SCARA3: variants seen among roughly 807,000 people sequenced by gnomAD.
SCARA3 encodes the protein scavenger receptor class A member 3, also known as cellular stress response gene protein.
SCARA3 carries 39 observed loss-of-function variants against 47.0 expected under a neutral mutation model. The ratio of observed to expected loss-of-function variants is 0.83; its 90% CI spans 0.64 to 1.08. The LOEUF (loss-of-function observed/expected upper bound fraction) is 1.08, where lower values mean the gene tolerates loss of function less well. Ranked by LOEUF, SCARA3 falls within the 50% of genes least tolerant of loss-of-function variation. SCARA3 has a pLI of 0.00. For synonymous variants in SCARA3, 356 were observed against 334.1 expected (o/e 1.07, Z -0.71); for missense variants, 724 against 792.3 (o/e 0.91, Z 1.04).
rs1802201112 is a variant in SCARA3, at chr8:27,672,875, CA to C, written c.*1527del. ...ACCCAGAGAGCAGCCCTTCCCTGCT[CA>C]AAGCCTTTCCGCACCCTCCTGACTG... is the stretch of plus-strand genomic sequence containing the variant. On this transcript the variant is annotated 3_prime_UTR_variant, in exon 6 of 6. Transcript: ENST00000301904. 1.0e-6 allele frequency: 1 copy of C among 985,598 alleles called. No homozygotes were observed. 61.1% of individuals were successfully genotyped at this position (985,598 alleles called of 1,614,324 possible).
At chr8:27,710,055 C>T in the SCARA3 span, among the ~76,000 whole-genome samples, 2 of 152,114 alleles carry the variant, frequency 1.3e-5, no homozygotes, top group Non-Finnish European at 2.9e-5. Context: ...ATGCTGAAAC[C>T]GCGTCTCTAC....
In SCARA3 at chr8:27,672,606, G is replaced by C; in HGVS notation, c.*1255G>C. ...CGAGCCCTCTTTGCATGGGCAGCCA[G>C]CTGGACTAGGAGTGGGAAGGGCCTG... On this transcript the variant is annotated 3_prime_UTR_variant, in exon 6 of 6. Coordinates refer to ENST00000301904, the MANE Select transcript of SCARA3 (RefSeq NM_016240.3). The C allele has an allele frequency of 1.0e-6, 1 of 985,594 alleles. No individual in the cohort carries two copies. The highest frequency in any genetic ancestry group is 1.2e-6 in the Non-Finnish European group (1 of 830,078). 61.1% of individuals were successfully genotyped at this position (985,594 alleles called of 1,614,324 possible). A position where few individuals can be genotyped will look rare whatever the true frequency, so the allele number is the denominator to read the frequency against.
At chr8:27,657,213 C>A (rs549700745) in intron 4 of SCARA3, among the ~76,000 whole-genome samples, 1 of 152,270 alleles carries the variant, frequency 6.6e-6, no homozygotes, top group East Asian at 1.9e-4. Flanking sequence ...TGCAAAACCT[C>A]CTGCCAGGTC....
intron 1 of SCARA3, among the ~76,000 whole-genome samples, chr8:27,647,549 C>T (rs910776210): frequency 2.0e-5 from 3 of 152,126 alleles, no homozygotes; most frequent in South Asian, 2.1e-4. Context: ...CTCTCTGTGC[C>T]GGCCACTGTG....
intron 1 of SCARA3, among the ~76,000 whole-genome samples, chr8:27,648,420 T>C (rs546556391): frequency 4.6e-5 from 7 of 152,236 alleles, no homozygotes; most frequent in Non-Finnish European, 7.4e-5. Flanking sequence ...CTGGCTAACA[T>C]GGTGAAACCT....
intron 1 of SCARA3, among the ~76,000 whole-genome samples, chr8:27,634,955 T>A (rs2128913305): frequency 6.6e-6 from 1 of 152,336 alleles, no homozygotes; most frequent in African/African-American, 2.4e-5. Context: ...AGAAGCAGGC[T>A]TTGGAGTTAT....
chr8:27,659,506 G>T lies in SCARA3; in HGVS notation c.1336G>T (p.Gly446Ter). Residue 446 changes from glycine to a stop codon, truncating the protein, a stop_gained, in exon 5 of 6, where the codon GGA (glycine) becomes TGA (stop). Coordinates refer to ENST00000301904, the MANE Select transcript of SCARA3 (RefSeq NM_016240.3). LOFTEE classifies it low-confidence loss of function (END_TRUNC). ...GATGAAGGCAGTGGACACACAGCAT[G>T]GAGAAATCCTTCGCAATGTCACCAT... Reference protein sequence around the residue: ...EEMKAVDTQHGEILRNVTILR... With the variant: ...EEMKAVDTQH 1.2e-6 allele frequency: 2 copies of T among 1,612,570 alleles called. No individual in the cohort carries two copies. Among genetic ancestry groups the T allele is most frequent in the Non-Finnish European group, 1.7e-6 (2 of 1,179,012 alleles).
Position 27,658,816 on chromosome 8 carries a change from GTCAAGGCTGCA to G in SCARA3, c.647_657del (p.Val216GlyfsTer94). 6.2e-7 allele frequency: 1 copy of G among 1,614,190 alleles called. No individual in the cohort carries two copies. The highest frequency in any genetic ancestry group is 8.5e-7 in the Non-Finnish European group (1 of 1,180,024). ...GGACCTCACCCAGGAGTGCTACGAT[GTCAAGGCTGCA>G]GTGCACCAGATCAACTTCACCGTGG... On this transcript the variant is annotated frameshift_variant, in exon 5 of 6. Coordinates refer to ENST00000301904, the MANE Select transcript of SCARA3 (RefSeq NM_016240.3). LOFTEE classifies it high-confidence loss of function.
At position 27,634,005 on chromosome 8, in the gene SCARA3, A is replaced by AC. The variant is rs1284854084; in HGVS notation, c.-192dup. ...CCCGGCGGGGCTTCCCCAGGCTGCG[A>AC]CCCCGCGGGACCCTCCACTCCTCCC... On this transcript the variant is annotated 5_prime_UTR_variant, in exon 1 of 6. Coordinates refer to ENST00000301904, the MANE Select transcript of SCARA3 (RefSeq NM_016240.3). The AC allele has an allele frequency of 1.9e-5, 6 of 317,940 alleles. No homozygotes were observed. The Admixed American group carries it at 2.0e-4, about 11-fold the overall frequency. 19.7% of individuals were successfully genotyped at this position (317,940 alleles called of 1,614,324 possible). A position where few individuals can be genotyped will look rare whatever the true frequency, so the allele number is the denominator to read the frequency against.
intron 1 of SCARA3, among the ~76,000 whole-genome samples, chr8:27,637,895 G>A (rs916301059): frequency 2.0e-5 from 3 of 152,076 alleles, no homozygotes; most frequent in Non-Finnish European, 2.9e-5. Flanking sequence ...CAGAAAGCCT[G>A]ACCTCATTCC....
chr8:27,711,386 A>G, the SCARA3 span, among the ~76,000 whole-genome samples: 4 of 152,146 alleles, frequency 2.6e-5, no homozygotes, highest in Non-Finnish European at 5.9e-5. Context: ...TATTTTTCTT[A>G]TTGTACTCAA....
the SCARA3 span, among the ~76,000 whole-genome samples, chr8:27,720,594 G>C: frequency 6.6e-6 from 1 of 151,804 alleles, no homozygotes; most frequent in African/African-American, 2.4e-5. Flanking sequence ...TTCTGTTCCA[G>C]CTGATCTCTA....
At chr8:27,729,021 C>T in the SCARA3 span, among the ~76,000 whole-genome samples, 16 of 152,230 alleles carry the variant, frequency 1.1e-4, no homozygotes, top group East Asian at 2.9e-3. Context: ...GCTGTGATTG[C>T]ACCGTTGCAC....
At chr8:27,718,134 G>A in the SCARA3 span, among the ~76,000 whole-genome samples, 8 of 152,158 alleles carry the variant, frequency 5.3e-5, no homozygotes, top group Non-Finnish European at 1.0e-4. Flanking sequence ...TCTACAACCT[G>A]GTGAGTTCTG....
intron 1 of SCARA3, among the ~76,000 whole-genome samples, chr8:27,639,159 T>A (rs1563399383): frequency 6.6e-6 from 1 of 152,158 alleles, no homozygotes. Context: ...TATTCTGAGT[T>A]GTTGCCCCAG....
chr8:27,690,199 G>A, the SCARA3 span, among the ~76,000 whole-genome samples: 3 of 152,170 alleles, frequency 2.0e-5, no homozygotes, highest in African/African-American at 7.2e-5. Flanking sequence ...GAGACAAACA[G>A]CGTATATCTT....
intron 1 of SCARA3, among the ~76,000 whole-genome samples, chr8:27,636,827 G>T (rs374117862): frequency 6.6e-6 from 1 of 152,176 alleles, no homozygotes; most frequent in Non-Finnish European, 1.5e-5. Context: ...GGGAAGAGCC[G>T]CCCCTCTACC....
the SCARA3 span, among the ~76,000 whole-genome samples, chr8:27,700,273 A>T: frequency 1.3e-5 from 2 of 152,192 alleles, no homozygotes; most frequent in Middle Eastern, 3.2e-3. Flanking sequence ...GAGACAAAGG[A>T]CTTGCTTTCA....
intron 5 of SCARA3, among the ~76,000 whole-genome samples, chr8:27,668,266 C>G (rs1462606146): frequency 6.6e-6 from 1 of 152,118 alleles, no homozygotes; most frequent in Non-Finnish European, 1.5e-5. Flanking sequence ...GATAGCCGGG[C>G]GCGGTGGCTC....
Sources: allele counts gnomAD v4.1 joint callset (sites outside exome capture counted in the v4.1 genomes callset), GRCh38; gene constraint gnomAD v4.1.1; transcripts MANE v1.5; gene names NCBI Gene and HGNC (gene_info 2026-07-23, HGNC 2026-07-21).